GPC5: variants seen among roughly 807,000 people sequenced by gnomAD.
The protein encoded by GPC5 is glypican 5.
GPC5 carries 47 observed loss-of-function variants against 53.9 expected under a neutral mutation model. That is an observed-to-expected ratio of 0.87 (90% CI 0.69 to 1.11). The LOEUF is 1.11. Among genes scored for constraint, GPC5 ranks in the 50% most tolerant of loss-of-function variants. The probability of loss-of-function intolerance (pLI) is 0.00; values close to 1 mark genes in which losing one functional copy is unlikely to be tolerated. For missense variants in GPC5, 748 were observed against 713.1 expected (o/e 1.05, Z -0.56); for synonymous variants, 286 against 263.3 (o/e 1.09, Z -0.84).
intron 7 of GPC5, among the ~76,000 whole-genome samples, chr13:92,267,726 T>A (rs952176347): frequency 2.0e-4 from 31 of 152,060 alleles, no homozygotes; most frequent in African/African-American, 7.5e-4. Flanking sequence ...GTAAATAAAG[T>A]TTTATTGGAA....
chr13:92,196,545 T>A (rs2042257877), intron 7 of GPC5, among the ~76,000 whole-genome samples: 1 of 152,216 alleles, frequency 6.6e-6, no homozygotes, highest in African/African-American at 2.4e-5. Context: ...AGCTTTATTA[T>A]AATCTAACTG....
At chr13:91,799,969 T>C (rs1422299047) in intron 5 of GPC5, among the ~76,000 whole-genome samples, 2 of 152,158 alleles carry the variant, frequency 1.3e-5, no homozygotes, top group Non-Finnish European at 2.9e-5. Context: ...GACTCATATT[T>C]TTCATTAGTA....
intron 5 of GPC5, among the ~76,000 whole-genome samples, chr13:91,791,737 C>A (rs2037968350): frequency 6.6e-6 from 1 of 151,680 alleles, no homozygotes. Flanking sequence ...CAGGAGAGGT[C>A]CAGCATCCTA....
chr13:92,067,022 T>C (rs1030446012), intron 6 of GPC5, among the ~76,000 whole-genome samples: 9 of 152,076 alleles, frequency 5.9e-5, no homozygotes, highest in African/African-American at 1.9e-4. Context: ...AAAGGATATA[T>C]GAAGTGAAAT....
At chr13:92,617,872 C>T (rs1371827784) in intron 7 of GPC5, among the ~76,000 whole-genome samples, 1 of 152,102 alleles carries the variant, frequency 6.6e-6, no homozygotes, top group Non-Finnish European at 1.5e-5. Context: ...TTTCAAGGTA[C>T]ATGTGCACAA....
At chr13:91,544,034 T>TTATTGTCCC (rs1485708156) in intron 2 of GPC5, among the ~76,000 whole-genome samples, 1 of 152,156 alleles carries the variant, frequency 6.6e-6, no homozygotes, top group Non-Finnish European at 1.5e-5. Flanking sequence ...TTATTTGTTC[T>TTATTGTCCC]CAATTATTAT....
intron 7 of GPC5, among the ~76,000 whole-genome samples, chr13:92,478,056 T>G (rs1379126113): frequency 6.6e-6 from 1 of 152,178 alleles, no homozygotes; most frequent in African/African-American, 2.4e-5. Context: ...TATTGCCCTG[T>G]TTCCCTTATT....
At chr13:92,768,895 G>T (rs1385149692) in intron 7 of GPC5, among the ~76,000 whole-genome samples, 3 of 151,762 alleles carry the variant, frequency 2.0e-5, no homozygotes. Context: ...ACTTAAATCA[G>T]TATTTCTCCA....
At chr13:92,142,949 CAATT>C (rs1270927734) in intron 6 of GPC5, among the ~76,000 whole-genome samples, 1 of 152,012 alleles carries the variant, frequency 6.6e-6, no homozygotes, top group African/African-American at 2.4e-5. Context: ...CTAATTCTTT[CAATT>C]AATGTGTTCT....
At chr13:92,661,667 C>T (rs1886347891) in intron 7 of GPC5, among the ~76,000 whole-genome samples, 1 of 152,166 alleles carries the variant, frequency 6.6e-6, no homozygotes, top group South Asian at 2.1e-4. Flanking sequence ...CTGTTGCTAA[C>T]ATGATTATCT....
At chr13:92,297,042 G>T (rs1447359823) in intron 7 of GPC5, among the ~76,000 whole-genome samples, 2 of 152,242 alleles carry the variant, frequency 1.3e-5, no homozygotes, top group Admixed American at 6.5e-5. Flanking sequence ...CAAGGGCTGA[G>T]GAATGCAAGC....
At chr13:92,239,957 G>GT (rs956644402) in intron 7 of GPC5, 11 of 34,102 alleles carry the variant, frequency 3.2e-4, no homozygotes, top group Non-Finnish European at 6.3e-4. Context: ...TACTTTTTCA[G>GT]TTTTTTGTCC....
chr13:92,827,866 G>T (rs2138817471), intron 7 of GPC5, among the ~76,000 whole-genome samples: 1 of 152,136 alleles, frequency 6.6e-6, no homozygotes, highest in East Asian at 1.9e-4. Flanking sequence ...AGTGCCAGGA[G>T]CCTCAATAAA....
intron 7 of GPC5, among the ~76,000 whole-genome samples, chr13:92,844,282 T>C (rs1392416227): frequency 6.6e-6 from 1 of 152,102 alleles, no homozygotes; most frequent in African/African-American, 2.4e-5. Context: ...GGAAATGAAT[T>C]CAGTGATATT....
intron 7 of GPC5, among the ~76,000 whole-genome samples, chr13:92,714,283 G>A (rs1888252111): frequency 6.6e-6 from 1 of 152,116 alleles, no homozygotes; most frequent in Non-Finnish European, 1.5e-5. Context: ...CATTAGATAA[G>A]AATACAGATT....
intron 4 of GPC5, among the ~76,000 whole-genome samples, chr13:91,744,839 C>A (rs2037013896): frequency 6.6e-6 from 1 of 151,996 alleles, no homozygotes; most frequent in African/African-American, 2.4e-5. Context: ...CAAACAGGTA[C>A]TCAATAATGA....
At chr13:91,569,284 A>C (rs888503478) in intron 2 of GPC5, among the ~76,000 whole-genome samples, 1 of 152,164 alleles carries the variant, frequency 6.6e-6, no homozygotes, top group African/African-American at 2.4e-5. Context: ...ACATTTATGA[A>C]AAAGTGGATT....
At chr13:92,749,645 CT>C (rs1889330157) in intron 7 of GPC5, among the ~76,000 whole-genome samples, 1 of 152,022 alleles carries the variant, frequency 6.6e-6, no homozygotes, top group Admixed American at 6.6e-5. Flanking sequence ...CTTCTGTTGC[CT>C]GACACATGGT....
intron 7 of GPC5, among the ~76,000 whole-genome samples, chr13:92,639,294 A>C (rs1885512428): frequency 1.3e-5 from 2 of 152,222 alleles, no homozygotes; most frequent in Admixed American, 6.5e-5. Context: ...TCCTTTAAAG[A>C]ATAGATTCTA....
Sources: gnomAD v4.1 joint callset for allele counts (sites outside exome capture counted in the v4.1 genomes callset) on GRCh38, gnomAD v4.1.1 for gene constraint, MANE v1.5 for transcripts, NCBI Gene and HGNC (gene_info 2026-07-23, HGNC 2026-07-21) for gene names.